The following DGKG variants were observed in gnomAD, a reference collection of about 807,000 sequenced individuals.
The protein encoded by DGKG is DAG kinase gamma.
A neutral mutation model predicts 105.3 loss-of-function variants in DGKG; 78 were observed. The ratio of observed to expected loss-of-function variants is 0.74; its 90% CI spans 0.62 to 0.89. The LOEUF (loss-of-function observed/expected upper bound fraction) is 0.89. Among genes scored for constraint, DGKG ranks in the 40% least tolerant of loss-of-function variants. DGKG has a pLI of 0.00. For synonymous variants in DGKG, 346 were observed against 367.1 expected, an observed-to-expected ratio of 0.94 and a Z score of 0.66; for missense variants, 958 against 1,020.1, an observed-to-expected ratio of 0.94 and a Z score of 0.83.
chr3:186,343,210 C>T (rs770117896), intron 1 of DGKG, among the ~76,000 whole-genome samples: 7 of 152,184 alleles, frequency 4.6e-5, no homozygotes, highest in Non-Finnish European at 7.3e-5. Context: ...GAACCACTTT[C>T]GTTGATCTTT....
At chr3:186,241,730 AAAAG>A (rs552830425) in intron 20 of DGKG, among the ~76,000 whole-genome samples, 2 of 152,162 alleles carry the variant, frequency 1.3e-5, no homozygotes, top group Admixed American at 1.3e-4. Flanking sequence ...ACAACAAAGA[AAAAG>A]AAAGAAAGAA....
chr3:186,298,071 G>A lies in DGKG; in HGVS notation c.303C>T (p.Asn101=), dbSNP rs928567390. Residue 101 remains asparagine (N), a synonymous_variant, in exon 4 of 25, where the codon AAC becomes AAT. Coordinates refer to ENST00000265022, the MANE Select transcript of DGKG (RefSeq NM_001346.3). ...PTEGASNSEA[N]SADTNIQNAD... ...GGGGAAAGCTCTGTGTACCTGCGCT[G>A]TTGGCCTCACTGTTGCTGGCTCCCT... is the stretch of plus-strand genomic sequence containing the variant. 1.2e-6 allele frequency: 2 copies of A among 1,609,916 alleles called. No individual in the cohort carries two copies. The highest frequency in any genetic ancestry group is 1.7e-6 in the Non-Finnish European group (2 of 1,178,214).
rs186902006 is a variant in DGKG, at chr3:186,252,354, C to T, written c.1601-435G>A. On this transcript the variant is annotated intron_variant, in intron 18 of 24. Transcript: ENST00000265022. ...ACCAAGCATAGCTGATCATTGAACA[C>T]TGACCATTGCACTGCCTGGTCTTGA... 2.6e-5 allele frequency among the ~76,000 whole-genome samples: 4 copies of T among 152,382 alleles called. No homozygotes were observed. In the East Asian group the frequency reaches 7.7e-4, roughly 29 times the overall value.
chr3:186,304,989 T>A (rs1440869124), intron 3 of DGKG, among the ~76,000 whole-genome samples: 1 of 152,180 alleles, frequency 6.6e-6, no homozygotes, highest in African/African-American at 2.4e-5. Flanking sequence ...CAAGAAATGT[T>A]AGAGTCATTG....
At chr3:186,215,406 C>T (rs1719230330) in intron 20 of DGKG, among the ~76,000 whole-genome samples, 2 of 127,958 alleles carry the variant, frequency 1.6e-5, no homozygotes, top group Admixed American at 8.0e-5. Context: ...GTGAGACCCC[C>T]ATCTCCAAAA....
At chr3:186,194,349 GGGACCCGGAGCACCGAAGCTTCCCAGC>G (rs1718067344) in intron 21 of DGKG, among the ~76,000 whole-genome samples, 4 of 152,350 alleles carry the variant, frequency 2.6e-5, no homozygotes, top group Admixed American at 2.6e-4. Context: ...CTCGCCAAGA[GGGACCCGGAGCACCGAAGCTTCCCAGC>G]CGGTGCCGGC....
chr3:186,163,787 G>A (rs1716409888), intron 23 of DGKG, among the ~76,000 whole-genome samples: 2 of 152,050 alleles, frequency 1.3e-5, no homozygotes, highest in African/African-American at 2.4e-5. Context: ...GTTCTCTGTG[G>A]TCTTCATAAG....
intron 14 of DGKG, 65 bp downstream of exon 14, chr3:186,265,182 G>T (rs186334219): frequency 6.6e-6 from 10 of 1,515,424 alleles, no homozygotes; most frequent in Non-Finnish European, 7.3e-6. Flanking sequence ...CCCAAACCCC[G>T]TCTTGCCCGC....
chr3:186,252,693 A>G (rs1394190824), intron 18 of DGKG, among the ~76,000 whole-genome samples: 3 of 152,192 alleles, frequency 2.0e-5, no homozygotes, highest in Non-Finnish European at 4.4e-5. Flanking sequence ...AATTCAGAAG[A>G]TCAGCCATTT....
chr3:186,309,983 A>AC (rs1399270776), intron 2 of DGKG, among the ~76,000 whole-genome samples: 2 of 151,502 alleles, frequency 1.3e-5, no homozygotes, highest in African/African-American at 4.9e-5. Context: ...GAAAAAAAAA[A>AC]CACAGCCGGG....
chr3:186,160,698 TCTTTTGAAATTTG>T, intron 24 of DGKG: 2 of 985,432 alleles, frequency 2.0e-6, no homozygotes, highest in Non-Finnish European at 2.4e-6. Context: ...TCCACTTTTG[TCTTTTGAAATTTG>T]CATAGCTGCA....
intron 1 of DGKG, among the ~76,000 whole-genome samples, chr3:186,346,658 A>G (rs1225326733): frequency 1.3e-5 from 2 of 151,900 alleles, no homozygotes; most frequent in African/African-American, 2.4e-5. Context: ...TAACTATGCT[A>G]TACTATACTA....
intron 22 of DGKG, among the ~76,000 whole-genome samples, chr3:186,185,397 T>C (rs1310122080): frequency 2.0e-5 from 3 of 152,128 alleles, no homozygotes; most frequent in Non-Finnish European, 4.4e-5. Flanking sequence ...CTGTACATGA[T>C]AGTCAAAAGC....
At position 186,320,306 on chromosome 3, in the gene DGKG, G is replaced by A; in HGVS notation, c.67+87C>T. The A allele has an allele frequency of 3.3e-6, 5 of 1,505,478 alleles. No individual in the cohort carries two copies. The South Asian group carries it at 3.5e-5, about 11-fold the overall frequency. 93.3% of individuals were successfully genotyped at this position (1,505,478 alleles called of 1,614,324 possible). A position where few individuals can be genotyped will look rare whatever the true frequency, so the allele number is the denominator to read the frequency against. On this transcript the variant is annotated intron_variant, in intron 2 of 24. Coordinates refer to ENST00000265022, the MANE Select transcript of DGKG (RefSeq NM_001346.3). ...GCCTGACATCATTCTTTGTGGCTTT[G>A]CAATGATCATACTGCTATGCTTTCC...
chr3:186,219,045 A>G (rs1423658391), intron 20 of DGKG, among the ~76,000 whole-genome samples: 5 of 151,696 alleles, frequency 3.3e-5, no homozygotes, highest in African/African-American at 7.3e-5. Context: ...GATAAATATT[A>G]GTAATAATAT....
rs1379398143 is a variant in DGKG, at chr3:186,251,719, T to C, written c.1761+40A>G. ...AGAAGGCTGGAACCCTTCCTGGGCG[T>C]TTCCCTTCCATACAGAAAGGTGATC... On this transcript the variant is annotated intron_variant, in intron 19 of 24. Transcript: ENST00000265022. The C allele has an allele frequency of 3.1e-6, 5 of 1,612,386 alleles. No individual in the cohort carries two copies. The Admixed American group carries it at 8.3e-5, about 27-fold the overall frequency.
intron 1 of DGKG, among the ~76,000 whole-genome samples, chr3:186,334,764 T>C (rs1725750982): frequency 6.6e-6 from 1 of 152,178 alleles, no homozygotes; most frequent in Admixed American, 6.5e-5. Context: ...TAACTTGTCC[T>C]AGGTCACAGA....
At chr3:186,205,914 C>T (rs1177758399) in intron 21 of DGKG, among the ~76,000 whole-genome samples, 2 of 152,010 alleles carry the variant, frequency 1.3e-5, no homozygotes, top group African/African-American at 2.4e-5. Context: ...AAAAAATCCT[C>T]AATTAAAAGG....
chr3:186,172,680 A>T (rs899406405), intron 22 of DGKG, among the ~76,000 whole-genome samples: 2 of 152,230 alleles, frequency 1.3e-5, no homozygotes, highest in African/African-American at 4.8e-5. Flanking sequence ...GCAAACAGGA[A>T]TTTGTCACTA....
Sources: allele counts gnomAD v4.1 joint callset (sites outside exome capture counted in the v4.1 genomes callset), GRCh38; gene constraint gnomAD v4.1.1; transcripts MANE v1.5; gene names NCBI Gene and HGNC (gene_info 2026-07-23, HGNC 2026-07-21).